The following DMD variants were observed in gnomAD, a reference collection of about 807,000 sequenced individuals.
DMD encodes dystrophin.
A neutral mutation model predicts 330.1 loss-of-function variants in DMD; 63 were observed. The ratio of observed to expected loss-of-function variants is 0.19; its 90% confidence interval spans 0.16 to 0.24. DMD has a LOEUF of 0.24. Among genes scored for constraint, DMD ranks in the 10% least tolerant of loss-of-function variants. The pLI is 1.00. For missense variants in DMD, 3,344 were observed against 2,684.1 expected, an observed-to-expected ratio of 1.25 and a Z score of -5.43; for synonymous variants, 1,223 against 959.8, an observed-to-expected ratio of 1.27 and a Z score of -5.07.
intron 44 of DMD, among the ~76,000 whole-genome samples, chrX:32,023,936 G>C (rs2095826144): frequency 9.0e-6 from 1 of 111,205 alleles, no homozygotes. Context: ...GGACTACAGA[G>C]GAAGGAGGGA....
chrX:32,478,626 T>A (rs1292852711), intron 21 of DMD, among the ~76,000 whole-genome samples: 1 of 112,038 alleles, frequency 8.9e-6, no homozygotes, highest in Admixed American at 9.5e-5. Context: ...AGTTGTTTCC[T>A]TAGTTTGAAA....
At chrX:32,419,704 T>C (rs1162808013) in intron 29 of DMD, among the ~76,000 whole-genome samples, 1 of 112,203 alleles carries the variant, frequency 8.9e-6, no homozygotes, top group Non-Finnish European at 1.9e-5. Context: ...GGAAAGAATA[T>C]AAATGTGAAA....
intron 13 of DMD, among the ~76,000 whole-genome samples, chrX:32,576,365 C>A (rs750487249): frequency 9.0e-6 from 1 of 111,346 alleles, no homozygotes; most frequent in South Asian, 3.8e-4. Flanking sequence ...AAACCCTTCA[C>A]AGTTTTTCTT....
chrX:32,238,008 T>A (rs1454760139), intron 43 of DMD, among the ~76,000 whole-genome samples: 2 of 112,210 alleles, frequency 1.8e-5, no homozygotes, highest in Non-Finnish European at 3.8e-5. Context: ...TCTTGGTTTC[T>A]TTCTTCACTT....
At chrX:31,156,632 T>C (rs754120856) in intron 74 of DMD, among the ~76,000 whole-genome samples, 1 of 112,418 alleles carries the variant, frequency 8.9e-6, no homozygotes, top group African/African-American at 3.2e-5. Flanking sequence ...ACATTCTATA[T>C]GTCAAACTTT....
At chrX:33,065,225 T>C (rs201734503) in intron 1 of DMD, among the ~76,000 whole-genome samples, 4 of 112,459 alleles carry the variant, frequency 3.6e-5, no homozygotes, top group African/African-American at 9.7e-5. Context: ...GAAAAATTAT[T>C]ACAGCCAATC....
chrX:31,584,762 C>T (rs886609862), intron 55 of DMD, among the ~76,000 whole-genome samples: 5 of 110,764 alleles, frequency 4.5e-5, no homozygotes, highest in Non-Finnish European at 9.4e-5. Flanking sequence ...GGAGCAGCAC[C>T]GGTAAGCTTG....
At chrX:33,101,978 AG>A (rs777233163) in intron 1 of DMD, among the ~76,000 whole-genome samples, 1 of 112,057 alleles carries the variant, frequency 8.9e-6, no homozygotes, top group South Asian at 3.7e-4. Context: ...CTTTCAAAGA[AG>A]GTTTTCAATG....
intron 55 of DMD, among the ~76,000 whole-genome samples, chrX:31,518,706 T>TA (rs1310294987): frequency 9.0e-6 from 1 of 110,659 alleles, no homozygotes; most frequent in African/African-American, 3.3e-5. Flanking sequence ...AACTAATACT[T>TA]ACAGCCCTTA....
At chrX:32,209,051 A>G (rs976930961) in intron 44 of DMD, among the ~76,000 whole-genome samples, 1 of 111,997 alleles carries the variant, frequency 8.9e-6, no homozygotes, top group African/African-American at 3.2e-5. Context: ...TACATTTTCA[A>G]TATATGAATC....
chrX:33,184,779 C>T (rs1381640447), intron 1 of DMD, among the ~76,000 whole-genome samples: 1 of 94,819 alleles, frequency 1.1e-5, no homozygotes, highest in Non-Finnish European at 2.0e-5. Context: ...GCTGGAGTGC[C>T]ATGGCACGAT....
At chrX:33,128,472 C>T (rs2095478316) in intron 1 of DMD, 1 of 910,694 alleles carries the variant, frequency 1.1e-6, no homozygotes, top group Non-Finnish European at 1.4e-6. Context: ...CTTCCCTCAC[C>T]GGCTCAATCT....
chrX:31,732,072 C>T (rs1187536234), intron 51 of DMD, among the ~76,000 whole-genome samples: 1 of 111,155 alleles, frequency 9.0e-6, no homozygotes, highest in African/African-American at 3.3e-5. Context: ...TCTAATTCTG[C>T]TGACAGACAC....
intron 2 of DMD, among the ~76,000 whole-genome samples, chrX:32,881,984 G>A (rs781407906): frequency 2.7e-5 from 3 of 112,296 alleles, no homozygotes; most frequent in Non-Finnish European, 5.6e-5. Flanking sequence ...GTCCTTATTA[G>A]CAGTTCCCTA....
At chrX:32,205,757 A>G (rs190282393) in intron 44 of DMD, 6 of 167,637 alleles carry the variant, frequency 3.6e-5, no homozygotes, top group Non-Finnish European at 5.6e-5. Context: ...AGAAGTGTCA[A>G]AGTACACAAG....
chrX:32,026,030 G>A (rs915340460), intron 44 of DMD, among the ~76,000 whole-genome samples: 6 of 112,110 alleles, frequency 5.4e-5, no homozygotes, highest in Non-Finnish European at 1.1e-4. Context: ...CTAGTCTAAA[G>A]CAAAATGTCA....
At chrX:33,036,225 C>A (rs913969346) in intron 1 of DMD, among the ~76,000 whole-genome samples, 1 of 111,207 alleles carries the variant, frequency 9.0e-6, no homozygotes, top group African/African-American at 3.3e-5. Flanking sequence ...TGTTTATTAG[C>A]CAAATTTTAG....
At chrX:31,967,217 A>G (rs1046104502) in intron 45 of DMD, among the ~76,000 whole-genome samples, 49 of 109,577 alleles carry the variant, frequency 4.5e-4, no homozygotes, top group African/African-American at 1.5e-3. Flanking sequence ...TCTATCTATA[A>G]TCAAGAAGAT....
intron 1 of DMD, among the ~76,000 whole-genome samples, chrX:33,337,537 A>T (rs1222750707): frequency 2.7e-5 from 3 of 111,890 alleles, no homozygotes. Flanking sequence ...TTATAAAAAA[A>T]AATTCTTTGC....
Sources: gnomAD v4.1 joint callset for allele counts (sites outside exome capture counted in the v4.1 genomes callset) on GRCh38, gnomAD v4.1.1 for gene constraint, MANE v1.5 for transcripts, NCBI Gene and HGNC (gene_info 2026-07-23, HGNC 2026-07-21) for gene names.